Variants in CCDC25 observed in about 807,000 individuals in gnomAD.
CCDC25 encodes the protein coiled-coil domain containing 25.
In CCDC25, 16 loss-of-function variants were observed where a neutral mutation model predicts 35.3. The ratio of observed to expected loss-of-function variants is 0.45; its 90% confidence interval spans 0.31 to 0.69. The LOEUF (loss-of-function observed/expected upper bound fraction) is 0.69, where lower values mean the gene tolerates loss of function less well. Among genes scored for constraint, CCDC25 ranks in the 30% least tolerant of loss-of-function variants. The pLI, the probability that CCDC25 is intolerant of heterozygous loss-of-function variation, is 0.06. For synonymous variants in CCDC25, 79 were observed against 80.3 expected, an observed-to-expected ratio of 0.98 and a Z score of 0.09; for missense variants, 179 against 250.7, an observed-to-expected ratio of 0.71 and a Z score of 1.93.
intron 1 of CCDC25, among the ~76,000 whole-genome samples, chr8:27,772,273 G>A (rs929249817): frequency 6.6e-6 from 1 of 152,204 alleles, no homozygotes; most frequent in Admixed American, 6.5e-5. Flanking sequence ...AGAACTCCCC[G>A]ATACAAACAT....
Position 27,772,495 on chromosome 8 carries a change from G to T in CCDC25, c.28+18C>A. 6.5e-7 allele frequency: 1 copy of T among 1,549,948 alleles called. No homozygotes were observed. The highest frequency in any genetic ancestry group is 1.2e-5 in the South Asian group (1 of 84,044). On this transcript the variant is annotated intron_variant, in intron 1 of 8. Coordinates refer to ENST00000356537, the MANE Select transcript of CCDC25 (RefSeq NM_018246.3). ...CCCGCTGTCCAGCAGGGTCCAGGAG[G>T]ACGTGGCGCCCACTCACCGCTGCTG...
At chr8:27,762,792 T>C (rs979505688) in intron 2 of CCDC25, among the ~76,000 whole-genome samples, 4 of 152,076 alleles carry the variant, frequency 2.6e-5, no homozygotes, top group African/African-American at 9.7e-5. Context: ...CTAATAATAC[T>C]TAAACATTAA....
At chr8:27,748,009 T>A in intron 7 of CCDC25, 68 bp downstream of exon 7, 1 of 1,448,098 alleles carries the variant, frequency 6.9e-7, no homozygotes, top group South Asian at 1.2e-5. Flanking sequence ...TCTTAATGGC[T>A]AATACATGAT....
At chr8:27,753,918 C>T (rs1296055660) in intron 4 of CCDC25, among the ~76,000 whole-genome samples, 1 of 152,064 alleles carries the variant, frequency 6.6e-6, no homozygotes, top group African/African-American at 2.4e-5. Flanking sequence ...AATATTATTG[C>T]CATAATGAAG....
chr8:27,756,588 G>A (rs925172796), intron 4 of CCDC25, 131 bp downstream of exon 4: 3 of 642,064 alleles, frequency 4.7e-6, no homozygotes, highest in Admixed American at 2.6e-5. Context: ...GGGAAGACAC[G>A]TCTTCATTTG....
chr8:27,753,424 C>T (rs1803886454), intron 4 of CCDC25, among the ~76,000 whole-genome samples: 1 of 152,136 alleles, frequency 6.6e-6, no homozygotes, highest in Non-Finnish European at 1.5e-5. Flanking sequence ...AAACTGGGCA[C>T]ATTAGGCTGG....
chr8:27,736,201 T>C lies in CCDC25; in HGVS notation c.*15A>G. 2 of 1,606,674 alleles carry C rather than the reference T, an allele frequency of 1.2e-6. No homozygotes were observed. The highest frequency in any genetic ancestry group is 1.7e-6 in the Non-Finnish European group (2 of 1,177,106). ...CATTCACATCTTTCAAAGGTCCTTTTCTCCTTTTCTCCTTTTACATGAATT... is the reference window on the plus strand; with the variant it reads ...CATTCACATCTTTCAAAGGTCCTTTCCTCCTTTTCTCCTTTTACATGAATT... On this transcript the variant is annotated 3_prime_UTR_variant, in exon 9 of 9. Transcript: ENST00000356537.
intron 3 of CCDC25, among the ~76,000 whole-genome samples, chr8:27,757,873 T>G (rs1197398040): frequency 6.6e-6 from 1 of 152,178 alleles, no homozygotes; most frequent in Admixed American, 6.5e-5. Flanking sequence ...GCACCATCCC[T>G]TTGGTGCTAT....
At chr8:27,748,951 G>A (rs759883378) in intron 5 of CCDC25, among the ~76,000 whole-genome samples, 1 of 152,040 alleles carries the variant, frequency 6.6e-6, no homozygotes, top group Non-Finnish European at 1.5e-5. Context: ...TGACTCTGAA[G>A]GTTAAGCAGC....
At chr8:27,748,847 G>T (rs931725042) in intron 5 of CCDC25, among the ~76,000 whole-genome samples, 3 of 152,124 alleles carry the variant, frequency 2.0e-5, no homozygotes, top group Non-Finnish European at 4.4e-5. Flanking sequence ...GGACTTCTGA[G>T]GACTCTCTAA....
chr8:27,763,583 T>C (rs1040234157), intron 2 of CCDC25, among the ~76,000 whole-genome samples: 3 of 152,108 alleles, frequency 2.0e-5, no homozygotes, highest in Non-Finnish European at 4.4e-5. Flanking sequence ...CCAGGCATGG[T>C]AGCACGTGCC....
In CCDC25 at chr8:27,733,648, A is replaced by C. The variant is rs1208201906; in HGVS notation, c.*2568T>G. The C allele has an allele frequency of 1.3e-5, 2 of 152,224 alleles. No individual in the cohort carries two copies. The highest frequency in any genetic ancestry group is 4.8e-5 in the African/African-American group (2 of 41,456). The allele number at this position is 152,224 out of a possible 1,614,324, so 9.4% of individuals were successfully genotyped here. ...GTCTGGTCAGATTTTAGTCTGCTTC[A>C]AAATCAAAAGGTCACTCAGTCACTC... On this transcript the variant is annotated 3_prime_UTR_variant, in exon 9 of 9. Transcript: ENST00000356537.
chr8:27,749,834 G>C (rs7013435), intron 5 of CCDC25, among the ~76,000 whole-genome samples: 64,362 of 151,642 alleles, frequency 0.42, 13,872 homozygotes, highest in East Asian at 0.63. Flanking sequence ...CATGTTCAAG[G>C]GTCATGATAT....
chr8:27,740,322 TA>T, intron 8 of CCDC25, 149 bp downstream of exon 8: 1 of 689,378 alleles, frequency 1.5e-6, no homozygotes, highest in Non-Finnish European at 2.5e-6. Flanking sequence ...GTGCAGTGCC[TA>T]AAAGAATCCA....
rs142576400 is a variant in CCDC25, at chr8:27,751,848, T to C, written c.244+664A>G. Among the ~76,000 whole-genome samples the C allele has an allele frequency of 8.6e-4, 131 of 152,264 alleles. 2 individuals carry two copies. In the East Asian group the frequency reaches 0.018, roughly 21 times the overall value. On this transcript the variant is annotated intron_variant, in intron 5 of 8. Transcript: ENST00000356537. ...TACCAGGTAATGACCAAGCACGGTA[T>C]GCCAGGCCCCATCTAAAATACTTAG... is the stretch of plus-strand genomic sequence containing the variant.
At chr8:27,765,614 C>A (rs1804373865) in intron 1 of CCDC25, among the ~76,000 whole-genome samples, 1 of 137,930 alleles carries the variant, frequency 7.3e-6, no homozygotes, top group Non-Finnish European at 1.5e-5. Context: ...TATACTTTTG[C>A]CTTCTTTAAG....
At position 27,762,656 on chromosome 8, in the gene CCDC25, A is replaced by C. The variant is rs548914303; in HGVS notation, c.77-198T>G. Among the ~76,000 whole-genome samples the C allele has an allele frequency of 3.9e-5, 6 of 152,252 alleles. No homozygotes were observed. The South Asian group carries it at 1.0e-3, about 26-fold the overall frequency. ...ATAATTGAACAATATGAACTTTATA[A>C]TTTTTATAAATTTATATAATACTTC... On this transcript the variant is annotated intron_variant, in intron 2 of 8. Coordinates refer to ENST00000356537, the MANE Select transcript of CCDC25 (RefSeq NM_018246.3).
At chr8:27,747,950 G>A in intron 7 of CCDC25, 127 bp downstream of exon 7, 1 of 885,558 alleles carries the variant, frequency 1.1e-6, no homozygotes, top group Non-Finnish European at 1.7e-6. Context: ...ATTTAAGGTT[G>A]AGCTTAAGCT....
chr8:27,752,806 A>G (rs967174148), intron 4 of CCDC25: 11 of 286,566 alleles, frequency 3.8e-5, no homozygotes, highest in Admixed American at 3.0e-4. Context: ...TTGACACTTA[A>G]TAAGTAAAAA....
Sources: gnomAD v4.1 joint callset for allele counts (sites outside exome capture counted in the v4.1 genomes callset) on GRCh38, gnomAD v4.1.1 for gene constraint, MANE v1.5 for transcripts, NCBI Gene and HGNC (gene_info 2026-07-23, HGNC 2026-07-21) for gene names.